The following VWA8 variants were observed in gnomAD, a reference collection of about 807,000 sequenced individuals.
VWA8 encodes von Willebrand factor A domain-containing protein 8.
In VWA8, 221 loss-of-function variants were observed where a neutral mutation model predicts 241.5. That is an observed-to-expected ratio of 0.91 (90% CI 0.82 to 1.02). The LOEUF (loss-of-function observed/expected upper bound fraction) is 1.02. VWA8 is among the 50% of genes least tolerant of loss of function. The pLI, the probability that VWA8 is intolerant of heterozygous loss-of-function variation, is 0.00. For missense variants in VWA8, 2,322 were observed against 2,328.7 expected, an observed-to-expected ratio of 1.00 and a Z score of 0.06; for synonymous variants, 852 against 827.1, an observed-to-expected ratio of 1.03 and a Z score of -0.52.
chr13:41,574,327 G>T (rs1241677575), intron 43 of VWA8, among the ~76,000 whole-genome samples: 1 of 152,062 alleles, frequency 6.6e-6, no homozygotes, highest in African/African-American at 2.4e-5. Flanking sequence ...TTTTACAATA[G>T]CTGCACACAC....
intron 34 of VWA8, among the ~76,000 whole-genome samples, chr13:41,688,760 G>A (rs183165838): frequency 1.3e-5 from 2 of 151,968 alleles, no homozygotes; most frequent in Non-Finnish European, 2.9e-5. Flanking sequence ...CTCACAAGTG[G>A]GAGCGAAACA....
intron 43 of VWA8, among the ~76,000 whole-genome samples, chr13:41,573,881 C>T (rs1010236193): frequency 3.3e-5 from 5 of 151,998 alleles, no homozygotes; most frequent in African/African-American, 7.2e-5. Flanking sequence ...CTCGGCCTCC[C>T]GGGGTGCTGG....
intron 23 of VWA8, 121 bp from the exon 24 acceptor site, chr13:41,727,434 T>C (rs528893078): frequency 4.5e-6 from 4 of 894,784 alleles, no homozygotes; most frequent in African/African-American, 3.5e-5. Context: ...TCTAAGATAT[T>C]TGGCTGTGAT....
In VWA8 at chr13:41,605,157, TAGA is replaced by T; in HGVS notation, c.4986+8_4986+10del. Reference sequence around the variant, plus strand: ...CCAGGTTATTTTCTTGGTCCATAAGTAGAAGATTACCTGTAAATTATCCAGGAT... The same window carrying T: ...CCAGGTTATTTTCTTGGTCCATAAGTAGATTACCTGTAAATTATCCAGGAT... On this transcript the variant is annotated splice_region_variant and intron_variant, in intron 40 of 44. Coordinates refer to ENST00000379310, the MANE Select transcript of VWA8 (RefSeq NM_015058.2). 6.2e-7 allele frequency: 1 copy of T among 1,611,838 alleles called. No individual in the cohort carries two copies. Among genetic ancestry groups the T allele is most frequent in the Non-Finnish European group, 8.5e-7 (1 of 1,178,326 alleles).
At chr13:41,891,992 G>T (rs938662853) in intron 4 of VWA8, among the ~76,000 whole-genome samples, 4 of 152,082 alleles carry the variant, frequency 2.6e-5, no homozygotes, top group African/African-American at 9.7e-5. Flanking sequence ...TTCTTGTAAG[G>T]ATCAAAAAAG....
At position 41,568,261 on chromosome 13, in the gene VWA8, T is replaced by G; in HGVS notation, c.5654A>C (p.Asp1885Ala). 2 of 1,614,148 alleles carry G rather than the reference T, an allele frequency of 1.2e-6. No individual in the cohort carries two copies. Among genetic ancestry groups the G allele is most frequent in the Non-Finnish European group, 1.7e-6 (2 of 1,180,008 alleles). The change falls in exon 45 of 45, where the codon GAT (aspartate) becomes GCT (alanine). Residue 1885 changes from aspartate (D) to alanine (A), a missense_variant. Physicochemically the swap from Asp to Ala is moderately radical, Grantham distance 126 (BLOSUM62 -2). Coordinates refer to ENST00000379310, the MANE Select transcript of VWA8 (RefSeq NM_015058.2). ...TAAAATCTGAGGGATATCCTTGGTATCCATGGCAACGAAAGACCGACCAGC... is the reference window on the plus strand; with the variant it reads ...TAAAATCTGAGGGATATCCTTGGTAGCCATGGCAACGAAAGACCGACCAGC... ...LPAGRSFVAM[D>A]TKDIPQILQQ...
chr13:41,960,226 C>A (rs908277696), intron 1 of VWA8, among the ~76,000 whole-genome samples: 1 of 152,228 alleles, frequency 6.6e-6, no homozygotes, highest in African/African-American at 2.4e-5. Context: ...TCCAGCGAAT[C>A]ACTTTTCCCT....
At chr13:41,618,257 T>C (rs1306861290) in intron 37 of VWA8, among the ~76,000 whole-genome samples, 1 of 152,274 alleles carries the variant, frequency 6.6e-6, no homozygotes, top group African/African-American at 2.4e-5. Flanking sequence ...CATGTGTCTT[T>C]TGGCTGCATA....
intron 21 of VWA8, among the ~76,000 whole-genome samples, chr13:41,748,737 T>A (rs1349085419): frequency 6.6e-6 from 1 of 152,188 alleles, no homozygotes; most frequent in East Asian, 1.9e-4. Context: ...TTGACAAACC[T>A]GACAGAAACA....
At chr13:41,655,795 A>C (rs1319174933) in intron 37 of VWA8, among the ~76,000 whole-genome samples, 1 of 152,264 alleles carries the variant, frequency 6.6e-6, no homozygotes, top group Non-Finnish European at 1.5e-5. Flanking sequence ...ATATTATATA[A>C]ATAAGTATTG....
chr13:41,576,884 T>C (rs2044354065), intron 42 of VWA8, among the ~76,000 whole-genome samples: 2 of 152,250 alleles, frequency 1.3e-5, no homozygotes, highest in African/African-American at 4.8e-5. Flanking sequence ...TCTCTTTTCA[T>C]AGTTGGCTCT....
At chr13:41,571,325 C>CCCATCT (rs2044301653) in intron 43 of VWA8, among the ~76,000 whole-genome samples, 1 of 102,832 alleles carries the variant, frequency 9.7e-6, no homozygotes, top group Non-Finnish European at 2.0e-5. Flanking sequence ...CTCTCCCTCT[C>CCCATCT]CCGTCTCCCT....
chr13:41,642,178 C>A (rs73466903), intron 37 of VWA8, among the ~76,000 whole-genome samples: 5,040 of 152,204 alleles, frequency 0.033, 280 homozygotes, highest in African/African-American at 0.11. Context: ...TCACCAAGGG[C>A]AACAGTGGGT....
chr13:41,758,398 G>GTGTA (rs1412122391), intron 21 of VWA8, among the ~76,000 whole-genome samples: 274 of 25,002 alleles, frequency 0.011, 14 homozygotes, highest in Admixed American at 0.019. Context: ...ATATACGCTA[G>GTGTA]TATATATATA....
At chr13:41,890,635 G>C (rs1164770466) in intron 5 of VWA8, among the ~76,000 whole-genome samples, 1 of 152,178 alleles carries the variant, frequency 6.6e-6, no homozygotes, top group Non-Finnish European at 1.5e-5. Flanking sequence ...CCATGTGCCA[G>C]CCATTGATCT....
In VWA8 at chr13:41,811,337, G is replaced by C. The variant is rs139093046; in HGVS notation, c.1951C>G (p.Gln651Glu). Residue 651 changes from glutamine to glutamate, a missense_variant, in exon 17 of 45, where the codon CAA (glutamine) becomes GAA (glutamate). Coordinates refer to ENST00000379310, the MANE Select transcript of VWA8 (RefSeq NM_015058.2). ...GTAGAAAGTGATGCCGCTAATGATTGTGCCTATCAAAAGACAAATACATTG... is the reference window on the plus strand; with the variant it reads ...GTAGAAAGTGATGCCGCTAATGATTCTGCCTATCAAAAGACAAATACATTG... ...KLRETQDPTA[Q>E]SLAASLSTRQ... The C allele has an allele frequency of 6.2e-6, 10 of 1,607,276 alleles. No homozygotes were observed. In the East Asian group the frequency reaches 2.2e-4, roughly 36 times the overall value.
chr13:41,959,619 T>TTTTTTTTTG, intron 1 of VWA8, among the ~76,000 whole-genome samples: 1 of 137,778 alleles, frequency 7.3e-6, no homozygotes, highest in South Asian at 2.6e-4. Flanking sequence ...TTTTTTTTTT[T>TTTTTTTTTG]TTTTTTGAGA....
At chr13:41,886,922 T>TG in intron 6 of VWA8, 92 bp from the exon 7 acceptor site, 1 of 1,022,154 alleles carries the variant, frequency 9.8e-7, no homozygotes, top group Non-Finnish European at 1.4e-6. Flanking sequence ...ACCTTTTAAT[T>TG]AAGCAGACAC....
At chr13:41,729,502 T>C in intron 23 of VWA8, 40 bp downstream of exon 23, 2 of 1,583,566 alleles carry the variant, frequency 1.3e-6, no homozygotes, top group Non-Finnish European at 8.6e-7. Context: ...ATATAAACAT[T>C]GTATTTATTA....
Sources: gnomAD v4.1 joint callset for allele counts (sites outside exome capture counted in the v4.1 genomes callset) on GRCh38, gnomAD v4.1.1 for gene constraint, MANE v1.5 for transcripts, NCBI Gene and HGNC (gene_info 2026-07-23, HGNC 2026-07-21) for gene names.